ARHGAP29: variants seen among roughly 807,000 people sequenced by gnomAD.
ARHGAP29 encodes rho GTPase-activating protein 29.
Under a neutral mutation model 122.6 loss-of-function variants are expected in ARHGAP29, and 43 were observed. The observed-to-expected ratio is 0.35, with a 90% confidence interval of 0.27 to 0.45. ARHGAP29 has a LOEUF of 0.45. ARHGAP29 is among the 20% of genes least tolerant of loss of function. The pLI, the probability that ARHGAP29 is intolerant of heterozygous loss-of-function variation, is 1.00. For synonymous variants in ARHGAP29, 506 were observed against 497.1 expected (o/e 1.02, Z -0.24); for missense variants, 1,303 against 1,477.2 (o/e 0.88, Z 1.93).
At position 94,208,873 on chromosome 1, in the gene ARHGAP29, T is replaced by C. The variant is rs926867599; in HGVS notation, c.469A>G (p.Asn157Asp). The change falls in exon 5 of 23, where the codon AAT (asparagine) becomes GAT (aspartate). Residue 157 changes from asparagine (N) to aspartate (D), a missense_variant. Asn to Asp is a conservative substitution (Grantham distance 23). Transcript: ENST00000260526. ...ACAGGCAGTCGCAATAATGAATCATTGCCTACATCTCCCATAAGGAAGTTT... is the reference window on the plus strand; with the variant it reads ...ACAGGCAGTCGCAATAATGAATCATCGCCTACATCTCCCATAAGGAAGTTT... ...LTNFLMGDVG[N>D]DSLLRLPVSR... The C allele has an allele frequency of 6.2e-7, 1 of 1,613,956 alleles. No individual in the cohort carries two copies. The highest frequency in any genetic ancestry group is 1.7e-5 in the Admixed American group (1 of 59,994).
chr1:94,259,353 T>C (rs1228564538), intron 1 of ARHGAP29, among the ~76,000 whole-genome samples: 1 of 152,240 alleles, frequency 6.6e-6, no homozygotes, highest in Non-Finnish European at 1.5e-5. Context: ...ATTTTTGTTC[T>C]AGTATTAATT....
chr1:94,237,808 G>T (rs1044304995), upstream of ARHGAP29: 3 of 979,766 alleles, frequency 3.1e-6, no homozygotes, highest in African/African-American at 5.3e-5. Flanking sequence ...TTGGCTTGCA[G>T]GGGACAGGCA....
intron 6 of ARHGAP29, 55 bp downstream of exon 6, chr1:94,205,580 C>A: frequency 6.8e-7 from 1 of 1,477,082 alleles, no homozygotes; most frequent in South Asian, 1.2e-5. Flanking sequence ...CCAGGACATT[C>A]ATAGAAAGTA....
chr1:94,273,312 C>T (rs1008920041), intron 1 of ARHGAP29, among the ~76,000 whole-genome samples: 1 of 152,236 alleles, frequency 6.6e-6, no homozygotes, highest in African/African-American at 2.4e-5. Flanking sequence ...CTGCAGTACT[C>T]TGCAGGACGT....
At chr1:94,201,617 C>A in intron 12 of ARHGAP29, 103 bp downstream of exon 12, 1 of 1,438,176 alleles carries the variant, frequency 7.0e-7, no homozygotes. Context: ...AAGTGATCCT[C>A]CCACCTCAGC....
At chr1:94,211,628 A>G (rs1651627010) in intron 3 of ARHGAP29, among the ~76,000 whole-genome samples, 2 of 152,232 alleles carry the variant, frequency 1.3e-5, no homozygotes, top group South Asian at 4.1e-4. Flanking sequence ...TGATGAGTTT[A>G]AAAGGATTCA....
Position 94,179,924 on chromosome 1 carries a change from T to G in ARHGAP29, c.2281A>C (p.Lys761Gln), listed in dbSNP as rs1206085827. Reference sequence around the variant, plus strand: ...TCTTTTGCAAGGTCTATAAATTCCTTGTACAATCGAAATAAAATAAATGGT... The same window carrying G: ...TCTTTTGCAAGGTCTATAAATTCCTGGTACAATCGAAATAAAATAAATGGT... ...PEPFILFRLY[K>Q]EFIDLAKEIQ... The change falls in exon 20 of 23, where the codon AAG becomes CAG. Residue 761 changes from lysine (K) to glutamine (Q), a missense_variant. Physicochemically the swap from Lys to Gln is moderately conservative, Grantham distance 53. Coordinates refer to ENST00000260526, the MANE Select transcript of ARHGAP29 (RefSeq NM_004815.4). 1 of 1,608,082 alleles carries G rather than the reference T, an allele frequency of 6.2e-7. No homozygotes were observed. Among genetic ancestry groups the G allele is most frequent in the Non-Finnish European group, 8.5e-7 (1 of 1,178,478 alleles).
At chr1:94,192,191 C>T (rs1650169636) in intron 12 of ARHGAP29, 1 of 152,220 alleles carries the variant, frequency 6.6e-6, no homozygotes, top group East Asian at 1.9e-4. Flanking sequence ...ATGCAGTAAG[C>T]TAACTTCTCC....
chr1:94,173,768 T>A lies in ARHGAP29; in HGVS notation c.*101A>T, dbSNP rs915535985. On this transcript the variant is annotated 3_prime_UTR_variant, in exon 23 of 23. Transcript: ENST00000260526. Reference sequence around the variant, plus strand: ...AAAGGCAAAACCCATGATTTGGCAGTCCTATACAAAAGAGGCCCTGTCAAA... The same window carrying A: ...AAAGGCAAAACCCATGATTTGGCAGACCTATACAAAAGAGGCCCTGTCAAA... 5.7e-6 allele frequency: 8 copies of A among 1,398,208 alleles called. No homozygotes were observed. The highest frequency in any genetic ancestry group is 7.7e-6 in the Non-Finnish European group (8 of 1,037,366). The allele number at this position is 1,398,208 out of a possible 1,614,324, so 86.6% of individuals were successfully genotyped here.
upstream of ARHGAP29, among the ~76,000 whole-genome samples, chr1:94,241,719 ATATATAATATATATT>A (rs1335631081): frequency 3.4e-4 from 3 of 8,724 alleles, no homozygotes; most frequent in Admixed American, 3.3e-3. Flanking sequence ...TATATAATTT[ATATATAATATATATT>A]TATATATATA....
At chr1:94,246,147 C>G (rs1014319717) in intron 1 of ARHGAP29, among the ~76,000 whole-genome samples, 1 of 152,174 alleles carries the variant, frequency 6.6e-6, no homozygotes, top group Non-Finnish European at 1.5e-5. Context: ...AATCATCAGA[C>G]AAGAACTGTA....
intron 18 of ARHGAP29, 39 bp from the exon 19 acceptor site, chr1:94,184,327 T>G: frequency 6.7e-7 from 1 of 1,486,722 alleles, no homozygotes. Flanking sequence ...AAATTCTTCT[T>G]TAGTACAAAT....
the ARHGAP29 span, among the ~76,000 whole-genome samples, chr1:94,294,880 T>A: frequency 1.0e-3 from 153 of 152,338 alleles, no homozygotes; most frequent in East Asian, 6.2e-3. Context: ...CAGTGTCAAA[T>A]GCCCTTGAGG....
chr1:94,210,444 T>C (rs1651513790), intron 3 of ARHGAP29, among the ~76,000 whole-genome samples: 1 of 152,192 alleles, frequency 6.6e-6, no homozygotes, highest in African/African-American at 2.4e-5. Flanking sequence ...CAACGAGAGT[T>C]GGAAAGCAAG....
Position 94,169,430 on chromosome 1 carries a change from T to TGAGG in ARHGAP29, c.*4435_*4438dup. 6.6e-6 allele frequency among the ~76,000 whole-genome samples: 1 copy of TGAGG among 152,158 alleles called. No individual in the cohort carries two copies. Among genetic ancestry groups the TGAGG allele is most frequent in the Middle Eastern group, 3.4e-3 (1 of 294 alleles). On this transcript the variant is annotated 3_prime_UTR_variant, in exon 23 of 23. Transcript: ENST00000260526. ...GACAGCAGCTGGCATGTCAAGAGGT[T>TGAGG]GAGGGAGGGAGGAAGAATGAACAAA...
At chr1:94,227,950 A>C (rs1187603121) in intron 2 of ARHGAP29, among the ~76,000 whole-genome samples, 2 of 151,794 alleles carry the variant, frequency 1.3e-5, no homozygotes, top group Non-Finnish European at 3.0e-5. Flanking sequence ...GGATAAAAAA[A>C]CTAAAACTTC....
At chr1:94,312,128 G>C in the ARHGAP29 span, among the ~76,000 whole-genome samples, 5 of 152,054 alleles carry the variant, frequency 3.3e-5, no homozygotes, top group Admixed American at 3.3e-4. Flanking sequence ...CCTTGAAAAA[G>C]TTGTTATATT....
At chr1:94,242,040 G>T (rs1653608760), upstream of ARHGAP29, among the ~76,000 whole-genome samples, 2 of 152,028 alleles carry the variant, frequency 1.3e-5, no homozygotes, top group South Asian at 4.2e-4. Flanking sequence ...CAGAGTACCA[G>T]AGACTAAGGA....
At chr1:94,280,365 G>T in the ARHGAP29 span, among the ~76,000 whole-genome samples, 1 of 152,160 alleles carries the variant, frequency 6.6e-6, no homozygotes, top group Non-Finnish European at 1.5e-5. Context: ...ACACAATGCT[G>T]CAGACCATCT....
Sources: allele counts gnomAD v4.1 joint callset (sites outside exome capture counted in the v4.1 genomes callset), GRCh38; gene constraint gnomAD v4.1.1; transcripts MANE v1.5; gene names NCBI Gene and HGNC (gene_info 2026-07-23, HGNC 2026-07-21).